SIPA1L3: variants seen among roughly 807,000 people sequenced by gnomAD.
The protein encoded by SIPA1L3 is signal-induced proliferation-associated 1-like protein 3.
A neutral mutation model predicts 150.1 loss-of-function variants in SIPA1L3; 59 were observed. The ratio of observed to expected loss-of-function variants is 0.39; its 90% confidence interval spans 0.32 to 0.49. SIPA1L3 has a LOEUF of 0.49. SIPA1L3 is among the 20% of genes least tolerant of loss of function. The pLI, the probability that SIPA1L3 is intolerant of heterozygous loss-of-function variation, is 0.86. For synonymous variants in SIPA1L3, 1,070 were observed against 1,077.6 expected, an observed-to-expected ratio of 0.99 and a Z score of 0.14; for missense variants, 2,211 against 2,489.5, an observed-to-expected ratio of 0.89 and a Z score of 2.38.
Position 38,088,741 on chromosome 19 carries a change from G to T in SIPA1L3, c.1555G>T (p.Val519Leu). The change falls in exon 4 of 22, where the codon GTG becomes TTG. Residue 519 changes from valine (V) to leucine (L), a missense_variant. Physicochemically the swap from Val to Leu is conservative, Grantham distance 32 (BLOSUM62 1). Around this residue, in one of 5 missense-constraint regions of SIPA1L3, gnomAD observed 625 missense variants for 804.2 expected, o/e 0.78. Transcript: ENST00000222345. Reference protein sequence around the residue: ...VGKEHANYFGVDEKLGPVAVS... With the variant: ...VGKEHANYFGLDEKLGPVAVS... ...CTTAGAACATGCCAATTACTTCGGC[G>T]TGGATGAGAAGCTGGGGCCAGTGGC... 6.2e-7 allele frequency: 1 copy of T among 1,613,930 alleles called. No homozygotes were observed. The highest frequency in any genetic ancestry group is 8.5e-7 in the Non-Finnish European group (1 of 1,179,872).
chr19:38,125,578 G>A (rs2145909244), intron 9 of SIPA1L3, among the ~76,000 whole-genome samples: 1 of 152,220 alleles, frequency 6.6e-6, no homozygotes, highest in Admixed American at 6.5e-5. Context: ...GCCTGCTGGG[G>A]AACCAGTGGG....
At chr19:38,043,437 A>G (rs1471974396) in intron 2 of SIPA1L3, among the ~76,000 whole-genome samples, 2 of 152,244 alleles carry the variant, frequency 1.3e-5, no homozygotes, top group Non-Finnish European at 2.9e-5. Flanking sequence ...TCCCAGGTGG[A>G]ATGTGATCCA....
Position 38,206,162 on chromosome 19 carries a change from G to A in SIPA1L3, c.5268G>A (p.Leu1756=), listed in dbSNP as rs1973205080. The change falls in exon 22 of 22, where the codon CTG becomes CTA. Residue 1756 remains leucine, a synonymous_variant. Coordinates refer to ENST00000222345, the MANE Select transcript of SIPA1L3 (RefSeq NM_015073.3). The stretch of plus-strand genomic sequence containing the variant: ...GCCTGCGGCAGAACAACCAGCGGCT[G>A]CAGGAGGAGTCGCAGGCCGCCAGCG... ...VASLRQNNQR[L]QEESQAASEQ... is the part of the protein sequence containing the mutation. 2 of 1,551,974 alleles carry A rather than the reference G, an allele frequency of 1.3e-6. No individual in the cohort carries two copies. The highest frequency in any genetic ancestry group is 2.7e-5 in the African/African-American group (2 of 73,124).
chr19:38,090,055 C>T (rs961102224), intron 4 of SIPA1L3, among the ~76,000 whole-genome samples: 2 of 152,090 alleles, frequency 1.3e-5, no homozygotes, highest in African/African-American at 2.4e-5. Flanking sequence ...ACTGGCCAGG[C>T]GCAGTGGCTC....
rs185467838 is a variant in SIPA1L3 at position 38,138,453 on chromosome 19, G to A, written c.3144-2731G>A. On this transcript the variant is annotated intron_variant, in intron 10 of 21. Transcript: ENST00000222345. ...AGAGTCTTCACTGGCTCACGTAGCCGACAAGACTAGGAGATGGGACAGCAT... is the reference window on the plus strand; with the variant it reads ...AGAGTCTTCACTGGCTCACGTAGCCAACAAGACTAGGAGATGGGACAGCAT... 7.9e-4 allele frequency among the ~76,000 whole-genome samples: 121 copies of A among 152,236 alleles called. 2 individuals are homozygous for A. In the East Asian group the frequency reaches 0.016, roughly 20 times the overall value.
intron 1 of SIPA1L3, among the ~76,000 whole-genome samples, chr19:37,989,817 G>A (rs1217251716): frequency 6.6e-6 from 1 of 152,154 alleles, no homozygotes; most frequent in East Asian, 1.9e-4. Flanking sequence ...TTGCAGACGT[G>A]AGCCACCGTG....
intron 12 of SIPA1L3, among the ~76,000 whole-genome samples, chr19:38,147,656 C>T (rs1363092632): frequency 2.0e-5 from 3 of 152,182 alleles, no homozygotes; most frequent in African/African-American, 7.2e-5. Flanking sequence ...CTCCACTGTA[C>T]TGCTTTTGTT....
intron 2 of SIPA1L3, among the ~76,000 whole-genome samples, chr19:38,032,815 T>C: frequency 6.6e-6 from 1 of 150,390 alleles, no homozygotes. Context: ...GTTGCGCCAC[T>C]GCACTCCAGC....
chr19:38,194,817 G>A (rs1234082074), intron 18 of SIPA1L3, among the ~76,000 whole-genome samples: 1 of 152,176 alleles, frequency 6.6e-6, no homozygotes, highest in Non-Finnish European at 1.5e-5. Flanking sequence ...TTGGGAGGCC[G>A]AGGCGGGTGG....
chr19:38,079,194 A>T (rs1481374526), intron 2 of SIPA1L3, among the ~76,000 whole-genome samples: 1 of 152,174 alleles, frequency 6.6e-6, no homozygotes, highest in Non-Finnish European at 1.5e-5. Context: ...TTAGCCAGGT[A>T]TGGTGGCAGG....
In SIPA1L3 at chr19:38,119,687, A is replaced by G; in HGVS notation, c.2673A>G (p.Gly891=). ...AQGVEIDCIL[G]ISNEFVVLLD... ...GGGTGGAAATCGACTGCATTTTGGG[A>G]ATTTCCAATGAGTTTGTGGTGCTCC... Residue 891 remains glycine, a synonymous_variant, in exon 9 of 22, where the codon GGA becomes GGG. Coordinates refer to ENST00000222345, the MANE Select transcript of SIPA1L3 (RefSeq NM_015073.3). 6.2e-7 allele frequency: 1 copy of G among 1,614,122 alleles called. No homozygotes were observed.
chr19:37,951,937 C>A (rs565386606), intron 1 of SIPA1L3, among the ~76,000 whole-genome samples: 1 of 149,016 alleles, frequency 6.7e-6, no homozygotes, highest in Non-Finnish European at 1.5e-5. Context: ...TGTGGAATGT[C>A]CTGGTCTACC....
chr19:38,102,332 A>G (rs554231858), intron 6 of SIPA1L3, among the ~76,000 whole-genome samples: 2 of 151,710 alleles, frequency 1.3e-5, no homozygotes, highest in South Asian at 4.2e-4. Context: ...GGCGTGAGCC[A>G]CCACACCTGG....
intron 1 of SIPA1L3, among the ~76,000 whole-genome samples, chr19:38,017,609 C>T (rs1220495617): frequency 1.3e-5 from 2 of 151,290 alleles, no homozygotes; most frequent in African/African-American, 2.4e-5. Flanking sequence ...ACTGCAGTCT[C>T]GAACTCCTGG....
At chr19:37,935,687 G>A (rs900685922) in intron 1 of SIPA1L3, among the ~76,000 whole-genome samples, 1 of 152,192 alleles carries the variant, frequency 6.6e-6, no homozygotes, top group African/African-American at 2.4e-5. Flanking sequence ...TCTGTCCATA[G>A]TCTTGGGACC....
At chr19:37,936,335 G>C (rs2046600100) in intron 1 of SIPA1L3, among the ~76,000 whole-genome samples, 3 of 152,204 alleles carry the variant, frequency 2.0e-5, no homozygotes, top group Admixed American at 2.0e-4. Flanking sequence ...GACAGCCACA[G>C]AAGTGGTGGG....
intron 10 of SIPA1L3, among the ~76,000 whole-genome samples, chr19:38,135,072 A>T (rs1971404369): frequency 6.6e-6 from 1 of 152,212 alleles, no homozygotes; most frequent in African/African-American, 2.4e-5. Context: ...AGAGTTGTAC[A>T]GCTAGTAAGC....
intron 1 of SIPA1L3, among the ~76,000 whole-genome samples, chr19:37,963,458 T>A (rs2046877203): frequency 6.6e-6 from 1 of 152,236 alleles, no homozygotes; most frequent in Non-Finnish European, 1.5e-5. Flanking sequence ...AACCACAGTC[T>A]AGCTGTGATG....
intron 1 of SIPA1L3, among the ~76,000 whole-genome samples, chr19:37,990,713 C>A (rs902194497): frequency 3.9e-5 from 6 of 152,194 alleles, no homozygotes; most frequent in African/African-American, 2.4e-5. Flanking sequence ...TGCTTACACG[C>A]TCTCAGAGGC....
Sources: allele counts gnomAD v4.1 joint callset (sites outside exome capture counted in the v4.1 genomes callset), GRCh38; gene constraint gnomAD v4.1.1; regional missense constraint gnomAD v4.1.1; transcripts MANE v1.5; gene names NCBI Gene and HGNC (gene_info 2026-07-23, HGNC 2026-07-21).